HDAC9: variants seen among roughly 807,000 people sequenced by gnomAD.
HDAC9 encodes the protein histone deacetylase 9.
HDAC9 carries 41 observed loss-of-function variants against 139.4 expected under a neutral mutation model. That is an observed-to-expected ratio of 0.29 (90% CI 0.23 to 0.38). The LOEUF (loss-of-function observed/expected upper bound fraction) is 0.38, where lower values mean the gene tolerates loss of function less well. Among genes scored for constraint, HDAC9 ranks in the 10% least tolerant of loss-of-function variants. The pLI, the probability that HDAC9 is intolerant of heterozygous loss-of-function variation, is 1.00. For synonymous variants in HDAC9, 517 were observed against 476.2 expected, an observed-to-expected ratio of 1.09 and a Z score of -1.12; for missense variants, 1,147 against 1,297.0, an observed-to-expected ratio of 0.88 and a Z score of 1.78.
In HDAC9 at chr7:18,404,331, GT is replaced by G. The variant is rs530798113; in HGVS notation, c.-41-91923del. On this transcript the variant is annotated intron_variant, in intron 1 of 3. Transcript: ENST00000413509. ...CATACATAGGCAGGACAAATGTAATGTTTTTTTTAAAGGGAAAAATAATAAA... is the reference window on the plus strand; with the variant it reads ...CATACATAGGCAGGACAAATGTAATGTTTTTTTAAAGGGAAAAATAATAAA... Among the ~76,000 whole-genome samples, 484 of 151,816 alleles carry G rather than the reference GT, an allele frequency of 3.2e-3. 1 individual carries two copies. The highest frequency in any genetic ancestry group is 5.5e-3 in the Non-Finnish European group (377 of 67,934).
intron 2 of HDAC9, among the ~76,000 whole-genome samples, chr7:18,519,754 C>T (rs1176369693): frequency 6.6e-6 from 1 of 151,994 alleles, no homozygotes; most frequent in Non-Finnish European, 1.5e-5. Flanking sequence ...AATTGGTATA[C>T]AGAAATACTT....
chr7:18,859,721 G>A (rs1048390235), intron 21 of HDAC9, among the ~76,000 whole-genome samples: 9 of 148,950 alleles, frequency 6.0e-5, no homozygotes, highest in African/African-American at 2.0e-4. Flanking sequence ...TTTACTTACA[G>A]TAATGTTTGA....
intron 17 of HDAC9, among the ~76,000 whole-genome samples, chr7:18,814,099 C>T (rs1794391233): frequency 6.6e-6 from 1 of 152,192 alleles, no homozygotes; most frequent in African/African-American, 2.4e-5. Context: ...CTTATACTGA[C>T]TAAAAATTGC....
intron 2 of HDAC9, among the ~76,000 whole-genome samples, chr7:18,262,765 A>G (rs1795761558): frequency 6.6e-6 from 1 of 152,192 alleles, no homozygotes; most frequent in Non-Finnish European, 1.5e-5. Context: ...AAGATTTTAT[A>G]TACTATTGAA....
chr7:18,208,211 A>G (rs1165871799), intron 2 of HDAC9, among the ~76,000 whole-genome samples: 2 of 152,074 alleles, frequency 1.3e-5, no homozygotes, highest in Admixed American at 6.6e-5. Context: ...TCAAATGCTT[A>G]TAGTTACCCA....
At position 18,345,018 on chromosome 7, in the gene HDAC9, A is replaced by G. The variant is rs553153652; in HGVS notation, c.-42+54503A>G. ...ATCTTGGGCTCTCTACTAAAAGCTC[A>G]CGGCCTCACATCTTAATGGAAATAA... On this transcript the variant is annotated intron_variant, in intron 1 of 3. Transcript: ENST00000413509. Among the ~76,000 whole-genome samples, 3 of 152,126 alleles carry G rather than the reference A, an allele frequency of 2.0e-5. No homozygotes were observed. In the South Asian group the frequency reaches 6.2e-4, roughly 32 times the overall value.
intron 23 of HDAC9, among the ~76,000 whole-genome samples, chr7:18,941,940 A>G (rs1782055738): frequency 6.6e-6 from 1 of 152,098 alleles, no homozygotes; most frequent in Admixed American, 6.6e-5. Context: ...TCAAAACTCC[A>G]TTATATAAAT....
At chr7:18,317,162 A>C (rs1393371425) in intron 1 of HDAC9, among the ~76,000 whole-genome samples, 1 of 150,514 alleles carries the variant, frequency 6.6e-6, no homozygotes, top group African/African-American at 2.4e-5. Flanking sequence ...GCGCCACTGC[A>C]CTCCAGCCTG....
intron 1 of HDAC9, among the ~76,000 whole-genome samples, chr7:18,148,452 CTTTA>C (rs973888119): frequency 3.9e-5 from 6 of 152,124 alleles, no homozygotes; most frequent in South Asian, 2.1e-4. Flanking sequence ...CTCCCTTCTA[CTTTA>C]TTTATTTATT....
At chr7:18,360,964 C>T (rs1433803437) in intron 1 of HDAC9, among the ~76,000 whole-genome samples, 1 of 152,142 alleles carries the variant, frequency 6.6e-6, no homozygotes. Context: ...TGTCTGGGAT[C>T]AGTTTTGTAA....
chr7:18,905,640 C>A (rs1802165990), intron 22 of HDAC9, among the ~76,000 whole-genome samples: 1 of 152,080 alleles, frequency 6.6e-6, no homozygotes, highest in Non-Finnish European at 1.5e-5. Context: ...AACAAACCTG[C>A]AAGTTTTTGT....
intron 1 of HDAC9, among the ~76,000 whole-genome samples, chr7:18,137,579 T>C (rs1785522670): frequency 6.6e-6 from 1 of 151,356 alleles, no homozygotes; most frequent in South Asian, 2.1e-4. Context: ...GTTTTTGTCT[T>C]TGGCTCTGTT....
intron 13 of HDAC9, among the ~76,000 whole-genome samples, chr7:18,731,692 C>A (rs528517181): frequency 2.6e-5 from 4 of 152,276 alleles, no homozygotes; most frequent in African/African-American, 7.2e-5. Context: ...ATGGAACGAT[C>A]TTGGCTCACC....
intron 1 of HDAC9, among the ~76,000 whole-genome samples, chr7:18,477,195 A>T (rs1219790923): frequency 6.6e-6 from 1 of 152,182 alleles, no homozygotes; most frequent in Admixed American, 6.5e-5. Context: ...TAAAGTAATT[A>T]ATTATATTAT....
At chr7:18,955,502 T>G (rs572970315) in intron 24 of HDAC9, among the ~76,000 whole-genome samples, 1 of 152,318 alleles carries the variant, frequency 6.6e-6, no homozygotes, top group East Asian at 1.9e-4. Context: ...TTAGCCATTA[T>G]ATACACAGAG....
chr7:18,710,292 C>T (rs984522843), intron 12 of HDAC9, among the ~76,000 whole-genome samples: 4 of 152,274 alleles, frequency 2.6e-5, no homozygotes, highest in South Asian at 4.1e-4. Context: ...CACAGCTAAA[C>T]CATATCAGTC....
chr7:18,386,597 C>T (rs1785951777), intron 1 of HDAC9, among the ~76,000 whole-genome samples: 1 of 152,176 alleles, frequency 6.6e-6, no homozygotes, highest in Non-Finnish European at 1.5e-5. Context: ...GAATTAAACA[C>T]TTACAAGAAC....
At chr7:18,142,627 G>T (rs988364626) in intron 1 of HDAC9, among the ~76,000 whole-genome samples, 2 of 152,188 alleles carry the variant, frequency 1.3e-5, no homozygotes, top group Non-Finnish European at 2.9e-5. Context: ...GGGACAACTG[G>T]TCAGAGAGTT....
intron 1 of HDAC9, among the ~76,000 whole-genome samples, chr7:18,370,520 A>G (rs1784515353): frequency 6.6e-6 from 1 of 152,164 alleles, no homozygotes; most frequent in Non-Finnish European, 1.5e-5. Flanking sequence ...CCTCAAGTAT[A>G]TATGCATAAA....
Sources: allele counts gnomAD v4.1 joint callset (sites outside exome capture counted in the v4.1 genomes callset), GRCh38; gene constraint gnomAD v4.1.1; transcripts MANE v1.5; gene names NCBI Gene and HGNC (gene_info 2026-07-23, HGNC 2026-07-21).